The following MAST4 variants were observed in gnomAD, a reference collection of about 807,000 sequenced individuals.
MAST4 encodes microtubule associated serine/threonine kinase family member 4.
MAST4 carries 89 observed loss-of-function variants against 162.7 expected under a neutral mutation model. The ratio of observed to expected loss-of-function variants is 0.55; its 90% CI spans 0.46 to 0.65. The LOEUF is 0.65. MAST4 is among the 30% of genes least tolerant of loss of function. MAST4 has a pLI of 0.00. For missense variants in MAST4, 3,153 were observed against 3,374.0 expected, an observed-to-expected ratio of 0.93 and a Z score of 1.62; for synonymous variants, 1,479 against 1,361.1, an observed-to-expected ratio of 1.09 and a Z score of -1.91.
At chr5:67,045,003 A>G (rs1757198102) in intron 4 of MAST4, among the ~76,000 whole-genome samples, 1 of 152,218 alleles carries the variant, frequency 6.6e-6, no homozygotes, top group Non-Finnish European at 1.5e-5. Flanking sequence ...CATTGCCTTG[A>G]TCAATCCAGT....
chr5:67,049,899 A>G (rs1757960379), intron 4 of MAST4, among the ~76,000 whole-genome samples: 2 of 152,240 alleles, frequency 1.3e-5, no homozygotes, highest in African/African-American at 4.8e-5. Context: ...CACAGCTTTC[A>G]GAGACCTGGT....
intron 1 of MAST4, among the ~76,000 whole-genome samples, chr5:66,606,613 ATAT>A (rs1480334021): frequency 1.3e-5 from 2 of 152,058 alleles, no homozygotes; most frequent in Non-Finnish European, 2.9e-5. Flanking sequence ...TATGTTGTTA[ATAT>A]TTGTAGTACT....
At chr5:66,832,354 A>G (rs1757664854) in intron 3 of MAST4, among the ~76,000 whole-genome samples, 1 of 152,104 alleles carries the variant, frequency 6.6e-6, no homozygotes, top group Non-Finnish European at 1.5e-5. Flanking sequence ...AGACTTCTAG[A>G]TCTGTGAGTG....
intron 1 of MAST4, among the ~76,000 whole-genome samples, chr5:66,606,620 T>C (rs1321672920): frequency 3.9e-5 from 6 of 152,220 alleles, no homozygotes; most frequent in Admixed American, 3.9e-4. Flanking sequence ...TTAATATTTG[T>C]AGTACTTACA....
chr5:66,679,705 G>A (rs1748203277), intron 1 of MAST4, among the ~76,000 whole-genome samples: 1 of 152,068 alleles, frequency 6.6e-6, no homozygotes, highest in Admixed American at 6.6e-5. Flanking sequence ...GCTTCTCGGT[G>A]AGGGTGTGGG....
intron 1 of MAST4, among the ~76,000 whole-genome samples, chr5:66,723,546 T>C (rs531074382): frequency 7.9e-5 from 12 of 152,314 alleles, no homozygotes; most frequent in Admixed American, 1.3e-4. Context: ...ATGAGAAAGA[T>C]GCTAATTATT....
At position 67,035,267 on chromosome 5, in the gene MAST4, A is replaced by G. The variant is rs530553065; in HGVS notation, c.675-19137A>G. 3.9e-5 allele frequency among the ~76,000 whole-genome samples: 6 copies of G among 152,210 alleles called. No individual in the cohort carries two copies. In the South Asian group the frequency reaches 1.0e-3, roughly 26 times the overall value. On this transcript the variant is annotated intron_variant, in intron 4 of 28. Coordinates refer to ENST00000403625, the MANE Select transcript of MAST4 (RefSeq NM_001164664.2). Reference sequence around the variant, plus strand: ...ATTGGATTGTAATTTAAGGGGTGCAAACAATTCCTTTCATTAGCAAACTGT... The same window carrying G: ...ATTGGATTGTAATTTAAGGGGTGCAGACAATTCCTTTCATTAGCAAACTGT...
intron 1 of MAST4, among the ~76,000 whole-genome samples, chr5:66,703,249 G>T (rs564603690): frequency 1.2e-4 from 18 of 152,252 alleles, no homozygotes; most frequent in African/African-American, 3.6e-4. Flanking sequence ...AGAAGATGAC[G>T]CTGACATGAT....
At chr5:67,150,903 T>C (rs1356679188) in intron 24 of MAST4, among the ~76,000 whole-genome samples, 1 of 152,156 alleles carries the variant, frequency 6.6e-6, no homozygotes, top group Non-Finnish European at 1.5e-5. Context: ...TACAGTTGGC[T>C]TTGCTCTTCT....
At chr5:66,994,645 A>G (rs1484999191) in intron 4 of MAST4, among the ~76,000 whole-genome samples, 1 of 152,174 alleles carries the variant, frequency 6.6e-6, no homozygotes, top group Non-Finnish European at 1.5e-5. Flanking sequence ...GAATATTTCT[A>G]TGGTTGGCAG....
Position 67,164,414 on chromosome 5 carries a change from C to T in MAST4, c.5235C>T (p.Thr1745=), listed in dbSNP as rs764680869. 6.2e-7 allele frequency: 1 copy of T among 1,613,882 alleles called. No individual in the cohort carries two copies. The highest frequency in any genetic ancestry group is 1.3e-5 in the African/African-American group (1 of 74,916). ...ASESRAFVSS[T]HAAQMSAVSF... ...AGAGCCGAGCTTTTGTCAGCAGCACCCATGCAGCTCAGATGAGTGCCGTCT... is the reference window on the plus strand; with the variant it reads ...AGAGCCGAGCTTTTGTCAGCAGCACTCATGCAGCTCAGATGAGTGCCGTCT... The change falls in exon 29 of 29, where the codon ACC becomes ACT. Residue 1745 remains threonine (T), a synonymous_variant. Coordinates refer to ENST00000403625, the MANE Select transcript of MAST4 (RefSeq NM_001164664.2). This position sits in a 1 kb window ranked among gnomAD's most constrained non-coding sequence, Gnocchi z 5.3.
At chr5:66,741,616 C>T (rs1369831601) in intron 1 of MAST4, among the ~76,000 whole-genome samples, 4 of 152,006 alleles carry the variant, frequency 2.6e-5, no homozygotes, top group Admixed American at 2.6e-4. Context: ...CAGGAATGTA[C>T]CTTTAGTGGA....
chr5:66,907,458 T>A (rs1763446617), intron 4 of MAST4, among the ~76,000 whole-genome samples: 1 of 152,186 alleles, frequency 6.6e-6, no homozygotes, highest in South Asian at 2.1e-4. Context: ...CAGGGACCCT[T>A]GGCTGTCTCC....
Position 66,788,770 on chromosome 5 carries a change from G to GGCGCCCTCGCTCACCGCCA in MAST4, c.621_639dup (p.Leu214AlafsTer50). Reference sequence around the variant, plus strand: ...TGCGCAGCCAGGCCCTGGGCCAGTCGGCGCCCTCGCTCACCGCCAGCCTGG... The same window carrying GGCGCCCTCGCTCACCGCCA: ...TGCGCAGCCAGGCCCTGGGCCAGTCGGCGCCCTCGCTCACCGCCAGCGCCCTCGCTCACCGCCAGCCTGG... On this transcript the variant is annotated frameshift_variant, in exon 3 of 29. Coordinates refer to ENST00000403625, the MANE Select transcript of MAST4 (RefSeq NM_001164664.2). LOFTEE classifies it high-confidence loss of function. 1.3e-6 allele frequency: 2 copies of GGCGCCCTCGCTCACCGCCA among 1,599,990 alleles called. No individual in the cohort carries two copies. Among genetic ancestry groups the GGCGCCCTCGCTCACCGCCA allele is most frequent in the Non-Finnish European group, 1.7e-6 (2 of 1,172,688 alleles).
At chr5:66,710,711 G>T (rs1011069635) in intron 1 of MAST4, among the ~76,000 whole-genome samples, 4 of 152,260 alleles carry the variant, frequency 2.6e-5, no homozygotes, top group East Asian at 3.9e-4. Flanking sequence ...CCGCCGTCTG[G>T]GTTGTCAGTG....
intron 4 of MAST4, among the ~76,000 whole-genome samples, chr5:66,903,335 CAG>C (rs767435889): frequency 3.3e-5 from 5 of 151,932 alleles, no homozygotes; most frequent in African/African-American, 4.8e-5. Context: ...GTAAAATACT[CAG>C]TGATTGTTTT....
chr5:66,998,556 A>G (rs1750923596), intron 4 of MAST4, among the ~76,000 whole-genome samples: 1 of 152,228 alleles, frequency 6.6e-6, no homozygotes, highest in Non-Finnish European at 1.5e-5. Context: ...TTTTTAAAAC[A>G]CATATAGGGT....
chr5:67,081,681 C>T (rs1762673823), intron 5 of MAST4, among the ~76,000 whole-genome samples: 2 of 152,148 alleles, frequency 1.3e-5, no homozygotes, highest in Admixed American at 1.3e-4. Flanking sequence ...AAGACAACTG[C>T]ACTTGCACCT....
At chr5:66,641,037 C>T (rs1028177282) in intron 1 of MAST4, among the ~76,000 whole-genome samples, 1 of 152,092 alleles carries the variant, frequency 6.6e-6, no homozygotes, top group Non-Finnish European at 1.5e-5. Context: ...GGTCCTTCGC[C>T]CATTGTTAAA....
Sources: allele counts gnomAD v4.1 joint callset (sites outside exome capture counted in the v4.1 genomes callset), GRCh38; gene constraint gnomAD v4.1.1; non-coding constraint Gnocchi (gnomAD v3.1); transcripts MANE v1.5; gene names NCBI Gene and HGNC (gene_info 2026-07-23, HGNC 2026-07-21).